Variants in BAZ2B observed in about 807,000 individuals in gnomAD.
BAZ2B encodes bromodomain adjacent to zinc finger domain protein 2B.
BAZ2B carries 91 observed loss-of-function variants against 246.0 expected under a neutral mutation model. That is an observed-to-expected ratio of 0.37 (90% CI 0.31 to 0.44). The LOEUF is 0.44. Among genes scored for constraint, BAZ2B ranks in the 20% least tolerant of loss-of-function variants. BAZ2B has a pLI of 1.00. For synonymous variants in BAZ2B, 855 were observed against 860.0 expected, an observed-to-expected ratio of 0.99 and a Z score of 0.10; for missense variants, 2,332 against 2,533.7, an observed-to-expected ratio of 0.92 and a Z score of 1.71.
chr2:159,686,230 C>T, the BAZ2B span, among the ~76,000 whole-genome samples: 1 of 152,160 alleles, frequency 6.6e-6, no homozygotes, highest in Non-Finnish European at 1.5e-5. Flanking sequence ...AGCATCATTA[C>T]ATTCCAGCTT....
chr2:159,597,654 G>A (rs1406016076), intron 1 of BAZ2B, among the ~76,000 whole-genome samples: 5 of 152,256 alleles, frequency 3.3e-5, no homozygotes, highest in Non-Finnish European at 7.4e-5. Flanking sequence ...AGCATCCCAA[G>A]TAGCTGGGAT....
chr2:159,390,059 T>C (rs2063142696), intron 20 of BAZ2B, among the ~76,000 whole-genome samples: 1 of 152,144 alleles, frequency 6.6e-6, no homozygotes, highest in African/African-American at 2.4e-5. Flanking sequence ...ATGACTTTGT[T>C]GGAGCAAGTG....
chr2:159,494,641 T>G (rs1333522771), intron 2 of BAZ2B, among the ~76,000 whole-genome samples: 1 of 152,214 alleles, frequency 6.6e-6, no homozygotes, highest in African/African-American at 2.4e-5. Context: ...TATGGAGTAT[T>G]TAATTTGGCT....
intron 27 of BAZ2B, among the ~76,000 whole-genome samples, chr2:159,356,786 C>T (rs1157880005): frequency 6.6e-6 from 1 of 152,162 alleles, no homozygotes; most frequent in African/African-American, 2.4e-5. Context: ...AAGGAACAGG[C>T]AGCAATCTTT....
chr2:159,427,149 G>A (rs73967866), intron 13 of BAZ2B, among the ~76,000 whole-genome samples: 17 of 152,182 alleles, frequency 1.1e-4, no homozygotes, highest in Middle Eastern at 3.4e-3. Flanking sequence ...AGAATTACAA[G>A]AGTATTTCAC....
chr2:159,396,258 C>A (rs1211059260), intron 19 of BAZ2B: 1 of 152,878 alleles, frequency 6.5e-6, no homozygotes. Flanking sequence ...AATTTTAGAT[C>A]AGGAAGAAAT....
intron 1 of BAZ2B, among the ~76,000 whole-genome samples, chr2:159,563,757 G>T (rs1043473603): frequency 6.6e-6 from 1 of 152,144 alleles, no homozygotes; most frequent in African/African-American, 2.4e-5. Flanking sequence ...CAATATGAAT[G>T]AATATACTTA....
At chr2:159,630,476 A>G in the BAZ2B span, among the ~76,000 whole-genome samples, 1 of 152,260 alleles carries the variant, frequency 6.6e-6, no homozygotes, top group Non-Finnish European at 1.5e-5. Flanking sequence ...TTAACAGTAT[A>G]TAGTATTCAA....
At chr2:159,653,380 A>T in the BAZ2B span, among the ~76,000 whole-genome samples, 21 of 152,210 alleles carry the variant, frequency 1.4e-4, no homozygotes, top group African/African-American at 4.6e-4. Context: ...ATTCTATTAA[A>T]GTATTTTGGA....
intron 2 of BAZ2B, among the ~76,000 whole-genome samples, chr2:159,518,783 C>G (rs964824377): frequency 1.3e-5 from 2 of 152,114 alleles, no homozygotes; most frequent in Admixed American, 6.5e-5. Context: ...AAACACCTAT[C>G]GTAAGGTCTT....
At position 159,478,576 on chromosome 2, in the gene BAZ2B, A is replaced by G. The variant is rs1002330626; in HGVS notation, c.144T>C (p.Cys48=). 5 of 1,602,950 alleles carry G rather than the reference A, an allele frequency of 3.1e-6. No homozygotes were observed. Among genetic ancestry groups the G allele is most frequent in the Middle Eastern group, 1.7e-4 (1 of 6,026 alleles). Residue 48 remains cysteine, a splice_region_variant and synonymous_variant, in exon 3 of 37, where the codon TGT becomes TGC. Transcript: ENST00000392783. ...ATTGAGTTAAAAAAGGGTATTCACC[A>G]CATGGGTTGATTGTAGAGCTAAGTG... ...VASLSSTINP[C]GHLFRTAGDQ...
At chr2:159,552,771 C>T (rs1485391847) in intron 2 of BAZ2B, among the ~76,000 whole-genome samples, 1 of 152,048 alleles carries the variant, frequency 6.6e-6, no homozygotes, top group African/African-American at 2.4e-5. Flanking sequence ...TGCTGAGTAT[C>T]GTAAGATGTG....
intron 27 of BAZ2B, among the ~76,000 whole-genome samples, chr2:159,353,106 T>A (rs2058731397): frequency 6.6e-6 from 1 of 152,246 alleles, no homozygotes; most frequent in Non-Finnish European, 1.5e-5. Context: ...CTGTAGTTCA[T>A]TTTTGTGATC....
At chr2:159,478,476 A>G (rs2078876623) in intron 3 of BAZ2B, 99 bp downstream of exon 3, 4 of 1,334,310 alleles carry the variant, frequency 3.0e-6, no homozygotes, top group South Asian at 1.8e-5. Flanking sequence ...CAACAGGTCA[A>G]TGCAAGTCAT....
At chr2:159,348,594 T>C (rs1457837894) in intron 30 of BAZ2B, 84 bp downstream of exon 30, 3 of 1,451,666 alleles carry the variant, frequency 2.1e-6, no homozygotes, top group African/African-American at 1.4e-5. Flanking sequence ...GAAGGACCAA[T>C]AGACTGTACT....
intron 31 of BAZ2B, among the ~76,000 whole-genome samples, chr2:159,345,057 G>A (rs1320227739): frequency 1.3e-5 from 2 of 151,648 alleles, no homozygotes; most frequent in African/African-American, 4.8e-5. Flanking sequence ...TAAAAATACA[G>A]AAATTAGCTG....
At chr2:159,672,685 AT>A in the BAZ2B span, among the ~76,000 whole-genome samples, 1 of 152,202 alleles carries the variant, frequency 6.6e-6, no homozygotes, top group Non-Finnish European at 1.5e-5. Context: ...GTGAGGAAGA[AT>A]AAGATTCTAA....
Position 159,405,050 on chromosome 2 carries a change from C to T in BAZ2B, c.2742G>A (p.Arg914=). The change falls in exon 15 of 37, where the codon CGG becomes CGA. Residue 914 remains arginine (R), a synonymous_variant. Transcript: ENST00000392783. ...GTTGTTTTTTGGCTTCTTTAGCAAC[C>T]CGAGCCTGTTCCTGCTTTTGAAGTT... ...LRKLQKQEQA[R]VAKEAKKQQA... is the part of the protein sequence containing the mutation. The T allele has an allele frequency of 1.2e-6, 2 of 1,614,010 alleles. No individual in the cohort carries two copies. Among genetic ancestry groups the T allele is most frequent in the African/African-American group, 1.3e-5 (1 of 74,998 alleles).
chr2:159,517,336 ACT>A (rs2151227976), intron 2 of BAZ2B, among the ~76,000 whole-genome samples: 1 of 151,822 alleles, frequency 6.6e-6, no homozygotes, highest in South Asian at 2.1e-4. Context: ...CTGTTTTTTC[ACT>A]CTCTGAAATT....
Sources: gnomAD v4.1 joint callset for allele counts (sites outside exome capture counted in the v4.1 genomes callset) on GRCh38, gnomAD v4.1.1 for gene constraint, MANE v1.5 for transcripts, NCBI Gene and HGNC (gene_info 2026-07-23, HGNC 2026-07-21) for gene names.